The following SPINK5 variants were observed in gnomAD, a reference collection of about 807,000 sequenced individuals.
SPINK5 encodes serine protease inhibitor Kazal-type 5.
SPINK5 carries 125 observed loss-of-function variants against 151.8 expected under a neutral mutation model. That is an observed-to-expected ratio of 0.82 (90% CI 0.71 to 0.96). The LOEUF is 0.96. Among genes scored for constraint, SPINK5 ranks in the 40% least tolerant of loss-of-function variants. The probability of loss-of-function intolerance (pLI) is 0.00; values close to 1 mark genes in which losing one functional copy is unlikely to be tolerated. For synonymous variants in SPINK5, 374 were observed against 395.3 expected (o/e 0.95, Z 0.64); for missense variants, 1,194 against 1,291.9 (o/e 0.92, Z 1.16).
chr5:148,125,573 A>T, intron 28 of SPINK5, 150 bp from the exon 29 acceptor site: 1 of 1,614,040 alleles, frequency 6.2e-7, no homozygotes, highest in Non-Finnish European at 8.5e-7. Flanking sequence ...AAATTTAGAC[A>T]ACCTGGGCGT....
intron 4 of SPINK5, among the ~76,000 whole-genome samples, chr5:148,080,800 T>C (rs1281284667): frequency 6.6e-6 from 1 of 151,500 alleles, no homozygotes; most frequent in East Asian, 1.9e-4. Context: ...AACTGAAATT[T>C]ATAAAAATTG....
At chr5:148,100,409 G>A in intron 12 of SPINK5, 45 bp from the exon 13 acceptor site, 1 of 1,592,302 alleles carries the variant, frequency 6.3e-7, no homozygotes, top group Non-Finnish European at 8.6e-7. Context: ...TCTGCTTTAA[G>A]TAGAAATGAA....
chr5:148,115,186 T>A (rs1754052887), intron 21 of SPINK5, among the ~76,000 whole-genome samples: 1 of 152,132 alleles, frequency 6.6e-6, no homozygotes, highest in African/African-American at 2.4e-5. Flanking sequence ...CCTTATAATT[T>A]GGATAAAATG....
At chr5:148,133,997 A>G (rs1333372172) in intron 32 of SPINK5, 110 bp downstream of exon 32, 2 of 1,140,442 alleles carry the variant, frequency 1.8e-6, no homozygotes, top group Non-Finnish European at 2.6e-6. Flanking sequence ...GAGAGGTGAC[A>G]CTAGGTCAGG....
At chr5:148,101,281 A>G in intron 13 of SPINK5, 74 bp from the exon 14 acceptor site, 2 of 1,095,412 alleles carry the variant, frequency 1.8e-6, no homozygotes, top group Non-Finnish European at 2.8e-6. Flanking sequence ...GTAAAATTAA[A>G]TTATATTTGA....
Position 148,125,948 on chromosome 5 carries a change from G to A in SPINK5, c.2867+98G>A, listed in dbSNP as rs1034196512. On this transcript the variant is annotated intron_variant, in intron 29 of 32. Coordinates refer to ENST00000256084, the MANE Select transcript of SPINK5 (RefSeq NM_006846.4). The stretch of plus-strand genomic sequence containing the variant: ...GTTTGTATATTTATGAACCCCATGG[G>A]ATTTTAAAAATAAGTCTTTAGAATT... 1.0e-5 allele frequency: 16 copies of A among 1,561,838 alleles called. No individual in the cohort carries two copies. In the African/African-American group the frequency reaches 2.0e-4, roughly 20 times the overall value.
intron 15 of SPINK5, among the ~76,000 whole-genome samples, chr5:148,102,193 T>C (rs1753665980): frequency 6.6e-6 from 1 of 151,586 alleles, no homozygotes; most frequent in African/African-American, 2.4e-5. Flanking sequence ...TAGTAGAGAG[T>C]AGGATGGTGC....
At chr5:148,103,703 A>G (rs1383394397) in intron 15 of SPINK5, among the ~76,000 whole-genome samples, 1 of 152,132 alleles carries the variant, frequency 6.6e-6, no homozygotes, top group Non-Finnish European at 1.5e-5. Flanking sequence ...TGTTTTATAG[A>G]TATGTTAACA....
intron 11 of SPINK5, among the ~76,000 whole-genome samples, chr5:148,098,619 A>G (rs898611775): frequency 6.6e-6 from 1 of 152,034 alleles, no homozygotes; most frequent in African/African-American, 2.4e-5. Flanking sequence ...CATTGTACAA[A>G]GCAAATTTAG....
chr5:148,098,538 C>T (rs1482364861), intron 11 of SPINK5, among the ~76,000 whole-genome samples: 1 of 151,950 alleles, frequency 6.6e-6, no homozygotes, highest in Non-Finnish European at 1.5e-5. Context: ...GAATCTATGG[C>T]TTTCTTTGTT....
Position 148,137,262 on chromosome 5 carries a change from A to G in SPINK5, c.*271A>G. On this transcript the variant is annotated 3_prime_UTR_variant, in exon 33 of 33. Coordinates refer to ENST00000256084, the MANE Select transcript of SPINK5 (RefSeq NM_006846.4). ...ATGCTGTCTGTCCAACTGCCTGTTC[A>G]ATAAAAGTAAACTCAGCAGAACACC... 1 of 532,162 alleles carries G rather than the reference A, an allele frequency of 1.9e-6. No homozygotes were observed. Among genetic ancestry groups the G allele is most frequent in the Non-Finnish European group, 3.4e-6 (1 of 298,374 alleles). The allele number at this position is 532,162 out of a possible 1,614,324, so 33.0% of individuals were successfully genotyped here.
In SPINK5 at chr5:148,101,847, C is replaced by T; in HGVS notation, c.1369C>T (p.Pro457Ser). Residue 457 changes from proline (P) to serine (S), a missense_variant, in exon 15 of 33, where the codon CCC becomes TCC. Pro to Ser is a moderately conservative substitution (Grantham distance 74). Transcript: ENST00000256084. ...GCTTTTTTGCACCAGAGAGAATGAC[C>T]CCATCCAGGGCCCAGATGGAAAAAT... is the stretch of plus-strand genomic sequence containing the variant. ...GRLFCTREND[P>S]IQGPDGKMHG... 1.2e-6 allele frequency: 2 copies of T among 1,613,746 alleles called. No individual in the cohort carries two copies. Among genetic ancestry groups the T allele is most frequent in the East Asian group, 2.2e-5 (1 of 44,850 alleles).
chr5:148,124,326 C>A (rs749716039), intron 27 of SPINK5, among the ~76,000 whole-genome samples: 1 of 151,928 alleles, frequency 6.6e-6, no homozygotes, highest in Non-Finnish European at 1.5e-5. Context: ...ATTATACCTA[C>A]GTAAATAACA....
intron 32 of SPINK5, among the ~76,000 whole-genome samples, chr5:148,136,641 CAGTGGCA>C (rs963271068): frequency 1.1e-4 from 17 of 152,250 alleles, no homozygotes; most frequent in African/African-American, 3.6e-4. Flanking sequence ...CGTAACATGA[CAGTGGCA>C]AGTTACTAAA....
intron 4 of SPINK5, 46 bp from the exon 5 acceptor site, chr5:148,086,359 A>G: frequency 3.7e-6 from 6 of 1,602,266 alleles, no homozygotes; most frequent in Non-Finnish European, 5.1e-6. Flanking sequence ...TCTAAGGACT[A>G]TTTTGTTTCT....
At chr5:148,096,717 TC>T (rs1398386795) in intron 10 of SPINK5, among the ~76,000 whole-genome samples, 15 of 150,426 alleles carry the variant, frequency 1.0e-4, no homozygotes, top group East Asian at 2.0e-4. Context: ...TTTCTTTCTT[TC>T]TTTCTTTTTT....
In SPINK5 at chr5:148,086,495, A is replaced by G. The variant is rs1753157256; in HGVS notation, c.373A>G (p.Thr125Ala). ...YEAVCGTDGK[T>A]YDNRCALCAE... Reference sequence around the variant, plus strand: ...AGCTGTTTGTGGCACAGATGGGAAAACATATGACAACAGATGTGCACTGTG... The same window carrying G: ...AGCTGTTTGTGGCACAGATGGGAAAGCATATGACAACAGATGTGCACTGTG... The change falls in exon 5 of 33, where the codon ACA becomes GCA. Residue 125 changes from threonine (T) to alanine (A), a missense_variant. Physicochemically the swap from Thr to Ala is moderately conservative, Grantham distance 58. Coordinates refer to ENST00000256084, the MANE Select transcript of SPINK5 (RefSeq NM_006846.4). The G allele has an allele frequency of 1.9e-6, 3 of 1,611,770 alleles. No homozygotes were observed. Among genetic ancestry groups the G allele is most frequent in the Admixed American group, 3.3e-5 (2 of 59,846 alleles).
rs190898126 is a variant in SPINK5, at chr5:148,124,046, T to G, written c.2666+86T>G. ...TTGTTACTTTTAAAACCTAAGATACTTGGCATCACACATTAATGATATGAT... is the reference window on the plus strand; with the variant it reads ...TTGTTACTTTTAAAACCTAAGATACGTGGCATCACACATTAATGATATGAT... On this transcript the variant is annotated intron_variant, in intron 27 of 32. Transcript: ENST00000256084. 1.3e-5 allele frequency: 19 copies of G among 1,460,938 alleles called. No homozygotes were observed. In the East Asian group the frequency reaches 3.0e-4, roughly 23 times the overall value. 90.5% of individuals were successfully genotyped at this position (1,460,938 alleles called of 1,614,324 possible). A position where few individuals can be genotyped will look rare whatever the true frequency, so the allele number is the denominator to read the frequency against.
At chr5:148,133,913 C>T (rs749936941) in intron 32 of SPINK5, 26 bp downstream of exon 32, 1 of 1,610,772 alleles carries the variant, frequency 6.2e-7, no homozygotes, top group Admixed American at 1.7e-5. Context: ...GACTGGCCTC[C>T]ATGGTTACGT....
Sources: allele counts gnomAD v4.1 joint callset (sites outside exome capture counted in the v4.1 genomes callset), GRCh38; gene constraint gnomAD v4.1.1; transcripts MANE v1.5; gene names NCBI Gene and HGNC (gene_info 2026-07-23, HGNC 2026-07-21).